Variants in CNOT2 observed in about 807,000 individuals in gnomAD.
CNOT2 encodes the protein CC chemokine receptor 4-negative regulator of transcription 2.
A neutral mutation model predicts 72.1 loss-of-function variants in CNOT2; 7 were observed. The ratio of observed to expected loss-of-function variants is 0.10; its 90% CI spans 0.06 to 0.18. CNOT2 has a LOEUF of 0.18. Ranked by LOEUF, CNOT2 falls within the 10% of genes least tolerant of loss-of-function variation. CNOT2 has a pLI of 1.00. For missense variants in CNOT2, 345 were observed against 660.3 expected, an observed-to-expected ratio of 0.52 and a Z score of 5.23; for synonymous variants, 196 against 225.6, an observed-to-expected ratio of 0.87 and a Z score of 1.17.
Position 70,337,618 on chromosome 12 carries a change from T to C in CNOT2, c.900+105T>C, listed in dbSNP as rs1430690125. On this transcript the variant is annotated intron_variant, in intron 9 of 15. Coordinates refer to ENST00000229195, the MANE Select transcript of CNOT2 (RefSeq NM_014515.7). ...ATACTATTACAAAACTGTTTTATCT[T>C]GATATCTGTAATAACCTAACTTCTG... 9 of 1,119,448 alleles carry C rather than the reference T, an allele frequency of 8.0e-6. No homozygotes were observed. The East Asian group carries it at 2.0e-4, about 25-fold the overall frequency. 69.3% of individuals were successfully genotyped at this position (1,119,448 alleles called of 1,614,324 possible). A position where few individuals can be genotyped will look rare whatever the true frequency, so the allele number is the denominator to read the frequency against.
chr12:70,259,019 A>G (rs543703367), intron 1 of CNOT2, among the ~76,000 whole-genome samples: 3 of 152,360 alleles, frequency 2.0e-5, no homozygotes, highest in Non-Finnish European at 4.4e-5. Flanking sequence ...TACTTACAGT[A>G]AAATATACCT....
chr12:70,263,645 C>A (rs538728130), intron 1 of CNOT2, among the ~76,000 whole-genome samples: 10 of 152,202 alleles, frequency 6.6e-5, no homozygotes, highest in African/African-American at 2.4e-4. Context: ...ATATTTTTAA[C>A]GACTGCTTTG....
intron 4 of CNOT2, among the ~76,000 whole-genome samples, chr12:70,320,771 G>C (rs1414631174): frequency 6.6e-6 from 1 of 151,710 alleles, no homozygotes; most frequent in Non-Finnish European, 1.5e-5. Context: ...GCAGAAAGTA[G>C]ATATGGATTG....
At chr12:70,327,117 T>A (rs1478084035) in intron 4 of CNOT2, among the ~76,000 whole-genome samples, 1 of 151,910 alleles carries the variant, frequency 6.6e-6, no homozygotes, top group Non-Finnish European at 1.5e-5. Flanking sequence ...ATGAGCCTTT[T>A]GTAGGGCTTA....
rs1593067005 is a variant in CNOT2, at chr12:70,265,304, T to TCTTCTCTTCC, written c.-95-12819_-95-12818insCCTTCTCTTC. Among the ~76,000 whole-genome samples, 3 of 146,218 alleles carry TCTTCTCTTCC rather than the reference T, an allele frequency of 2.1e-5. No homozygotes were observed. The East Asian group carries it at 5.9e-4, about 29-fold the overall frequency. On this transcript the variant is annotated intron_variant, in intron 1 of 15. Transcript: ENST00000229195. The stretch of plus-strand genomic sequence containing the variant: ...TCTTCTCTTCTCTTCTCTTCTCTTC[T>TCTTCTCTTCC]CTTCTCTTCTCTTCTCTTCTCTTTC...
chr12:70,312,505 A>G (rs985699316), intron 3 of CNOT2, among the ~76,000 whole-genome samples: 4 of 151,986 alleles, frequency 2.6e-5, no homozygotes, highest in Non-Finnish European at 4.4e-5. Flanking sequence ...CAGAAATACT[A>G]TATGTCTACA....
At position 70,279,844 on chromosome 12, in the gene CNOT2, G is replaced by C. The variant is rs116426110; in HGVS notation, c.48+1570G>C. On this transcript the variant is annotated intron_variant, in intron 2 of 15. Coordinates refer to ENST00000229195, the MANE Select transcript of CNOT2 (RefSeq NM_014515.7). ...TTATGTTTTATACATGAAGAGATTT[G>C]CTTATTCTTGCTCTTTCTACACTAA... 1.8e-3 allele frequency among the ~76,000 whole-genome samples: 278 copies of C among 152,076 alleles called. 1 individual carries two copies. Among genetic ancestry groups the C allele is most frequent in the African/African-American group, 6.6e-3 (273 of 41,420 alleles).
chr12:70,275,679 T>G (rs1047200089), intron 1 of CNOT2, among the ~76,000 whole-genome samples: 1 of 152,130 alleles, frequency 6.6e-6, no homozygotes, highest in African/African-American at 2.4e-5. Flanking sequence ...TTGTCTTTTC[T>G]GAATTCTTGA....
chr12:70,308,555 T>TTCTCTCTCTCTC (rs3049213), intron 2 of CNOT2, among the ~76,000 whole-genome samples: 115 of 134,322 alleles, frequency 8.6e-4, no homozygotes, highest in African/African-American at 2.7e-3. Context: ...TTGGTATATT[T>TTCTCTCTCTCTC]TCTCTCTCTC....
rs560037229 is a variant in CNOT2, at chr12:70,351,338, G to A, written c.1537-2491G>A. ...GCTCCTACAGAATGTATGAGGTTGT[G>A]CATGTGTGTAGTATGTGTGTGTATA... is the stretch of plus-strand genomic sequence containing the variant. On this transcript the variant is annotated intron_variant, in intron 15 of 15. Coordinates refer to ENST00000229195, the MANE Select transcript of CNOT2 (RefSeq NM_014515.7). 2.0e-4 allele frequency among the ~76,000 whole-genome samples: 31 copies of A among 152,272 alleles called. No individual in the cohort carries two copies. The South Asian group carries it at 4.6e-3, about 22-fold the overall frequency.
chr12:70,286,280 A>G (rs17814121), intron 2 of CNOT2, among the ~76,000 whole-genome samples: 12,491 of 148,890 alleles, frequency 0.084, 1,067 homozygotes, highest in Admixed American at 0.16. Flanking sequence ...AGTAGTCCTC[A>G]TATTCATCTG....
At chr12:70,344,839 T>C (rs1524250) in intron 14 of CNOT2, 1 of 152,026 alleles carries the variant, frequency 6.6e-6, no homozygotes, top group Non-Finnish European at 1.5e-5. Flanking sequence ...CATGACTATG[T>C]TTTTTATTCC....
At chr12:70,247,790 C>CT (rs1957951706) in intron 1 of CNOT2, among the ~76,000 whole-genome samples, 2 of 152,300 alleles carry the variant, frequency 1.3e-5, no homozygotes, top group East Asian at 1.9e-4. Flanking sequence ...CAATACGTAT[C>CT]TATTAAACTG....
chr12:70,281,379 C>T (rs753742404), intron 2 of CNOT2, among the ~76,000 whole-genome samples: 4 of 152,098 alleles, frequency 2.6e-5, no homozygotes, highest in African/African-American at 4.8e-5. Context: ...CACCGGTGCC[C>T]GATCCGGCTT....
chr12:70,267,970 A>G (rs949361338), intron 1 of CNOT2, among the ~76,000 whole-genome samples: 4 of 152,240 alleles, frequency 2.6e-5, no homozygotes, highest in African/African-American at 2.4e-5. Flanking sequence ...AATATTTTCT[A>G]TCTGGCCCTT....
chr12:70,351,340 AT>A (rs1882839880), intron 15 of CNOT2, among the ~76,000 whole-genome samples: 1 of 152,140 alleles, frequency 6.6e-6, no homozygotes, highest in East Asian at 1.9e-4. Context: ...GAGGTTGTGC[AT>A]GTGTGTAGTA....
At chr12:70,323,914 A>G (rs1878683467) in intron 4 of CNOT2, 1 of 151,762 alleles carries the variant, frequency 6.6e-6, no homozygotes, top group African/African-American at 2.4e-5. Flanking sequence ...ACACGCACAC[A>G]CACACACACA....
rs974227819 is a variant in CNOT2, at chr12:70,320,755, A to G, written c.238+1391A>G. On this transcript the variant is annotated intron_variant, in intron 4 of 15. Coordinates refer to ENST00000229195, the MANE Select transcript of CNOT2 (RefSeq NM_014515.7). ...TTTACCTTTTGGAAGACCACCGTTTATCACAGCAGAAAGTAGATATGGATT... is the reference window on the plus strand; with the variant it reads ...TTTACCTTTTGGAAGACCACCGTTTGTCACAGCAGAAAGTAGATATGGATT... 7.2e-5 allele frequency among the ~76,000 whole-genome samples: 11 copies of G among 151,882 alleles called. No individual in the cohort carries two copies. In the East Asian group the frequency reaches 2.1e-3, roughly 29 times the overall value.
chr12:70,348,713 C>T (rs1260399932), intron 15 of CNOT2, among the ~76,000 whole-genome samples: 1 of 151,994 alleles, frequency 6.6e-6, no homozygotes, highest in Non-Finnish European at 1.5e-5. Flanking sequence ...TTAAGTTCTC[C>T]TCATGAAGTT....
Sources: gnomAD v4.1 joint callset for allele counts (sites outside exome capture counted in the v4.1 genomes callset) on GRCh38, gnomAD v4.1.1 for gene constraint, MANE v1.5 for transcripts, NCBI Gene and HGNC (gene_info 2026-07-23, HGNC 2026-07-21) for gene names.